Variants in SAXO1 observed in about 807,000 individuals in gnomAD.
SAXO1 encodes stabilizer of axonemal microtubules 1.
SAXO1 carries 21 observed loss-of-function variants against 17.5 expected under a neutral mutation model. That is an observed-to-expected ratio of 1.20 (90% CI 0.85 to 1.72). The LOEUF (loss-of-function observed/expected upper bound fraction) is 1.72. Among genes scored for constraint, SAXO1 ranks in the 40% most tolerant of loss-of-function variants. The pLI, the probability that SAXO1 is intolerant of heterozygous loss-of-function variation, is 0.00. For synonymous variants in SAXO1, 274 were observed against 216.5 expected, an observed-to-expected ratio of 1.27 and a Z score of -2.33; for missense variants, 843 against 596.0, an observed-to-expected ratio of 1.41 and a Z score of -4.32.
At chr9:19,037,300 G>A (rs536492196), upstream of SAXO1, among the ~76,000 whole-genome samples, 32 of 152,298 alleles carry the variant, frequency 2.1e-4, no homozygotes, top group African/African-American at 7.7e-4. Context: ...GGACTGTTGG[G>A]AAGGCATGTT....
chr9:18,993,175 C>T lies in SAXO1; in HGVS notation c.38+39696G>A, dbSNP rs575796020. On this transcript the variant is annotated intron_variant, in intron 1 of 3. Transcript: ENST00000380534. ...TGTACAGGTATGTTACATAGGTATA[C>T]ACGTGTCATGGTGGTTTGTTGCACC... Among the ~76,000 whole-genome samples the T allele has an allele frequency of 1.8e-4, 27 of 151,712 alleles. No homozygotes were observed. In the South Asian group the frequency reaches 5.4e-3, roughly 30 times the overall value.
intron 1 of SAXO1, among the ~76,000 whole-genome samples, chr9:19,030,727 GA>G (rs1368283626): frequency 1.3e-5 from 2 of 151,900 alleles, no homozygotes; most frequent in African/African-American, 4.8e-5. Context: ...ATAAGAAGAA[GA>G]AAAAGATTCA....
At chr9:18,947,911 T>C (rs536006621) in intron 2 of SAXO1, among the ~76,000 whole-genome samples, 52 of 152,320 alleles carry the variant, frequency 3.4e-4, no homozygotes, top group African/African-American at 1.3e-3. Flanking sequence ...TGTTTTTTTG[T>C]GTCTGGGCTT....
intron 1 of SAXO1, among the ~76,000 whole-genome samples, chr9:19,023,642 G>C (rs1203518717): frequency 1.3e-5 from 2 of 152,088 alleles, no homozygotes; most frequent in Non-Finnish European, 2.9e-5. Flanking sequence ...ATCAAGTTAA[G>C]AAAAGTGACA....
chr9:19,016,221 A>G (rs986002097), intron 1 of SAXO1, among the ~76,000 whole-genome samples: 2 of 152,218 alleles, frequency 1.3e-5, no homozygotes, highest in Admixed American at 6.5e-5. Flanking sequence ...GGATCCACTG[A>G]GGTCGGGAGT....
chr9:18,933,623 T>C (rs747043823), intron 3 of SAXO1, among the ~76,000 whole-genome samples: 1 of 152,232 alleles, frequency 6.6e-6, no homozygotes, highest in Non-Finnish European at 1.5e-5. Context: ...TATTTTGCCT[T>C]CATTATTGAA....
chr9:18,979,313 G>C (rs1289131402), intron 1 of SAXO1, among the ~76,000 whole-genome samples: 1 of 152,198 alleles, frequency 6.6e-6, no homozygotes, highest in Non-Finnish European at 1.5e-5. Flanking sequence ...ATGGACCTGA[G>C]AAGAAGGAAA....
In SAXO1 at chr9:18,928,621, TC is replaced by T. The variant is rs753040760; in HGVS notation, c.855del (p.Met286CysfsTer19). On this transcript the variant is annotated frameshift_variant, in exon 4 of 4. Transcript: ENST00000380534. LOFTEE classifies it low-confidence loss of function (END_TRUNC). ...TAGGTGATGGGAGCTTTGGAGAACA[TC>T]CGGGGCATTGGCCAAGCTTGGTACT... ...RDKYQAWPMPRMFSKAPITYV... is the reference protein window; with the variant it reads ...RDKYQAWPMPXMFSKAPITYV... The T allele has an allele frequency of 8.1e-6, 13 of 1,613,900 alleles. No homozygotes were observed. Among genetic ancestry groups the T allele is most frequent in the Non-Finnish European group, 6.8e-6 (8 of 1,180,004 alleles).
intron 1 of SAXO1, among the ~76,000 whole-genome samples, chr9:19,029,716 A>G (rs1254843818): frequency 6.6e-6 from 1 of 152,216 alleles, no homozygotes; most frequent in East Asian, 1.9e-4. Flanking sequence ...ACTATACTCG[A>G]GTAGCTACTG....
At chr9:19,029,628 C>T (rs1835667755) in intron 1 of SAXO1, among the ~76,000 whole-genome samples, 1 of 152,144 alleles carries the variant, frequency 6.6e-6, no homozygotes, top group South Asian at 2.1e-4. Flanking sequence ...AATAATGAGA[C>T]TCAAGATCAG....
intron 1 of SAXO1, among the ~76,000 whole-genome samples, chr9:19,020,495 G>A (rs1334450377): frequency 1.3e-5 from 2 of 151,996 alleles, no homozygotes; most frequent in Admixed American, 6.6e-5. Flanking sequence ...GGGACTACAG[G>A]CACGCACCAC....
chr9:18,930,969 G>A (rs919947023), intron 3 of SAXO1, among the ~76,000 whole-genome samples: 1 of 152,204 alleles, frequency 6.6e-6, no homozygotes, highest in Non-Finnish European at 1.5e-5. Context: ...CTTCCCAGGA[G>A]CCTTGGGTAT....
chr9:18,932,435 T>C (rs1293153469), intron 3 of SAXO1, among the ~76,000 whole-genome samples: 1 of 152,256 alleles, frequency 6.6e-6, no homozygotes, highest in Non-Finnish European at 1.5e-5. Context: ...TGTAGCTTTA[T>C]AATAAAGTTT....
At chr9:18,943,314 G>A (rs1463828737) in intron 2 of SAXO1, among the ~76,000 whole-genome samples, 1 of 152,176 alleles carries the variant, frequency 6.6e-6, no homozygotes, top group East Asian at 1.9e-4. Flanking sequence ...TCCCTTCCTA[G>A]GGGCCCTGCT....
In SAXO1 at chr9:19,027,053, G is replaced by T. The variant is rs140829299; in HGVS notation, c.38+5818C>A. On this transcript the variant is annotated intron_variant, in intron 1 of 3. Transcript: ENST00000380534. The stretch of plus-strand genomic sequence containing the variant: ...TCACCCATGAGCTCCAAGCCATGAA[G>T]GACAAGATCAAAGAGAACAGTGAGA... 72 of 841,756 alleles carry T rather than the reference G, an allele frequency of 8.6e-5. No homozygotes were observed. In the East Asian group the frequency reaches 1.8e-3, roughly 21 times the overall value. The allele number at this position is 841,756 out of a possible 1,614,324, so 52.1% of individuals were successfully genotyped here. A position where few individuals can be genotyped will look rare whatever the true frequency, so the allele number is the denominator to read the frequency against.
At chr9:18,945,907 G>A (rs1213058233) in intron 2 of SAXO1, among the ~76,000 whole-genome samples, 1 of 152,168 alleles carries the variant, frequency 6.6e-6, no homozygotes, top group Non-Finnish European at 1.5e-5. Flanking sequence ...CCAGCCTGAA[G>A]GTCAGCTCCA....
intron 2 of SAXO1, 22 bp from the exon 3 acceptor site, chr9:18,941,861 C>T: frequency 1.2e-6 from 2 of 1,611,924 alleles, no homozygotes; most frequent in Non-Finnish European, 1.7e-6. Context: ...CAAGTGCATG[C>T]TGTTGGGGTC....
intron 3 of SAXO1, among the ~76,000 whole-genome samples, chr9:18,929,297 G>C (rs978595873): frequency 6.6e-6 from 1 of 152,168 alleles, no homozygotes; most frequent in Non-Finnish European, 1.5e-5. Flanking sequence ...CTGCATGCAG[G>C]GATCTTAGAG....
At chr9:18,999,675 C>A (rs182801455) in intron 1 of SAXO1, among the ~76,000 whole-genome samples, 1 of 140,112 alleles carries the variant, frequency 7.1e-6, no homozygotes, top group Non-Finnish European at 1.5e-5. Flanking sequence ...AAGTGAGGAG[C>A]GCCTCTGCCC....
Sources: allele counts gnomAD v4.1 joint callset (sites outside exome capture counted in the v4.1 genomes callset), GRCh38; gene constraint gnomAD v4.1.1; transcripts MANE v1.5; gene names NCBI Gene and HGNC (gene_info 2026-07-23, HGNC 2026-07-21).